Variants in IL1RAPL1 observed in about 807,000 individuals in gnomAD.
IL1RAPL1 encodes the protein interleukin 1 receptor accessory protein like 1.
In IL1RAPL1, 3 loss-of-function variants were observed where a neutral mutation model predicts 48.4. That is an observed-to-expected ratio of 0.06 (90% confidence interval 0.03 to 0.16). The LOEUF is 0.16. Ranked by LOEUF, IL1RAPL1 falls within the 10% of genes least tolerant of loss-of-function variation. The pLI, the probability that IL1RAPL1 is intolerant of heterozygous loss-of-function variation, is 1.00. For missense variants in IL1RAPL1, 349 were observed against 530.6 expected (o/e 0.66, Z 3.36); for synonymous variants, 185 against 187.7 (o/e 0.99, Z 0.12).
At chrX:29,484,370 G>C (rs1418711367) in intron 5 of IL1RAPL1, among the ~76,000 whole-genome samples, 1 of 111,155 alleles carries the variant, frequency 9.0e-6, no homozygotes, top group African/African-American at 3.3e-5. Context: ...TCACCCTTTT[G>C]ACTTTATCTA....
At chrX:28,627,676 C>A (rs766009083) in intron 1 of IL1RAPL1, among the ~76,000 whole-genome samples, 1 of 112,056 alleles carries the variant, frequency 8.9e-6, no homozygotes, top group South Asian at 3.7e-4. Flanking sequence ...GCTGATACTT[C>A]AGACATTTAA....
intron 3 of IL1RAPL1, among the ~76,000 whole-genome samples, chrX:29,342,659 C>CAT (rs1370051550): frequency 8.9e-6 from 1 of 112,055 alleles, no homozygotes; most frequent in African/African-American, 3.2e-5. Flanking sequence ...AAAAGGCAGA[C>CAT]ATACATGACA....
intron 5 of IL1RAPL1, among the ~76,000 whole-genome samples, chrX:29,584,413 A>G (rs770285945): frequency 2.7e-5 from 3 of 111,423 alleles, no homozygotes; most frequent in South Asian, 3.8e-4. Flanking sequence ...CATAATTGCA[A>G]TATGCCTAAA....
intron 5 of IL1RAPL1, among the ~76,000 whole-genome samples, chrX:29,475,846 T>C (rs943510439): frequency 9.0e-6 from 1 of 111,092 alleles, no homozygotes; most frequent in Non-Finnish European, 1.9e-5. Context: ...TTTTTTTTTT[T>C]ATGTAGTTTC....
At chrX:29,825,794 T>TA (rs1318655429) in intron 6 of IL1RAPL1, among the ~76,000 whole-genome samples, 1 of 112,088 alleles carries the variant, frequency 8.9e-6, no homozygotes. Context: ...TCACATGCCA[T>TA]AAACTATTAT....
intron 2 of IL1RAPL1, among the ~76,000 whole-genome samples, chrX:29,161,905 CATGT>C (rs1243958251): frequency 2.1e-4 from 23 of 112,042 alleles, no homozygotes; most frequent in Non-Finnish European, 3.9e-4. Context: ...GACACATGCA[CATGT>C]ATGTGTATTG....
chrX:29,400,274 T>C (rs1045399522), intron 5 of IL1RAPL1, among the ~76,000 whole-genome samples: 8 of 112,161 alleles, frequency 7.1e-5, no homozygotes, highest in African/African-American at 2.6e-4. Flanking sequence ...TATAAAATGG[T>C]GTTGATAAAA....
intron 2 of IL1RAPL1, among the ~76,000 whole-genome samples, chrX:29,223,687 G>A (rs1931026581): frequency 9.2e-6 from 1 of 109,044 alleles, no homozygotes; most frequent in African/African-American, 3.4e-5. Context: ...TGGGGTTACA[G>A]GTGCATGCCA....
intron 5 of IL1RAPL1, among the ~76,000 whole-genome samples, chrX:29,433,051 C>T (rs1255629379): frequency 9.1e-6 from 1 of 109,885 alleles, no homozygotes; most frequent in African/African-American, 3.3e-5. Context: ...ATTTTAATAC[C>T]ATGAATACAT....
chrX:28,634,501 G>GTA (rs1290070720), intron 1 of IL1RAPL1, among the ~76,000 whole-genome samples: 2 of 108,726 alleles, frequency 1.8e-5, no homozygotes, highest in East Asian at 2.8e-4. Flanking sequence ...ATATATATGT[G>GTA]TATATATATA....
intron 3 of IL1RAPL1, among the ~76,000 whole-genome samples, chrX:29,393,526 C>CCT (rs1361149445): frequency 3.3e-4 from 36 of 107,783 alleles, no homozygotes; most frequent in East Asian, 1.2e-3. Flanking sequence ...CTTGACCCTG[C>CCT]CTCTCTCTCT....
chrX:28,815,239 A>G (rs1340849626), intron 2 of IL1RAPL1, among the ~76,000 whole-genome samples: 3 of 110,514 alleles, frequency 2.7e-5, no homozygotes, highest in Non-Finnish European at 3.8e-5. Context: ...AAATCCCTCA[A>G]GTTTTGTTTG....
At chrX:29,504,387 G>T (rs779913235) in intron 5 of IL1RAPL1, among the ~76,000 whole-genome samples, 1 of 111,582 alleles carries the variant, frequency 9.0e-6, no homozygotes, top group Non-Finnish European at 1.9e-5. Context: ...ATATTTCTTT[G>T]TCGATTTTCT....
chrX:28,724,405 T>C (rs1935635943), intron 1 of IL1RAPL1, among the ~76,000 whole-genome samples: 1 of 111,180 alleles, frequency 9.0e-6, no homozygotes. Context: ...TATCAGAGAC[T>C]AGGATTGCAA....
At chrX:29,401,404 C>T (rs1439815697) in intron 5 of IL1RAPL1, among the ~76,000 whole-genome samples, 1 of 111,131 alleles carries the variant, frequency 9.0e-6, no homozygotes, top group Non-Finnish European at 1.9e-5. Flanking sequence ...AACAACAAGT[C>T]TACTGGGAAG....
chrX:29,477,746 G>C (rs1424662538), intron 5 of IL1RAPL1, among the ~76,000 whole-genome samples: 2 of 112,221 alleles, frequency 1.8e-5, no homozygotes, highest in East Asian at 5.6e-4. Context: ...CTGGTAAGCA[G>C]AGCAGCTGGT....
chrX:29,032,777 A>G (rs1189291918), intron 2 of IL1RAPL1, among the ~76,000 whole-genome samples: 3 of 112,663 alleles, frequency 2.7e-5, no homozygotes, highest in African/African-American at 9.7e-5. Flanking sequence ...ACACATACAG[A>G]GACACAAAGG....
At chrX:29,119,455 C>A (rs2147475765) in intron 2 of IL1RAPL1, among the ~76,000 whole-genome samples, 1 of 111,620 alleles carries the variant, frequency 9.0e-6, no homozygotes, top group East Asian at 2.8e-4. Context: ...CCACTCAATT[C>A]TTAACAAGTA....
intron 2 of IL1RAPL1, among the ~76,000 whole-genome samples, chrX:29,135,003 T>C (rs1046915330): frequency 3.6e-5 from 4 of 112,039 alleles, no homozygotes; most frequent in South Asian, 3.7e-4. Context: ...ACCAAAGATA[T>C]AGAGCAATGA....
Sources: allele counts gnomAD v4.1 joint callset (sites outside exome capture counted in the v4.1 genomes callset), GRCh38; gene constraint gnomAD v4.1.1; transcripts MANE v1.5; gene names NCBI Gene and HGNC (gene_info 2026-07-23, HGNC 2026-07-21).